Variants in POFUT4 observed in about 807,000 individuals in gnomAD.
The protein encoded by POFUT4 is protein O-fucosyltransferase 4, also known as GDP-fucose protein O-fucosyltransferase 4.
chr10:73,779,091 A>C, the POFUT4 span: 1 of 151,960 alleles, frequency 6.6e-6, no homozygotes, highest in Non-Finnish European at 1.5e-5. Context: ...AAAAAAAAAA[A>C]AAACCTTCAA....
chr10:73,779,757 TAAGC>T, the POFUT4 span: 1 of 152,176 alleles, frequency 6.6e-6, no homozygotes, highest in Non-Finnish European at 1.5e-5. Flanking sequence ...AAGTGATGGT[TAAGC>T]AAGGTGTAGA....
chr10:73,772,746 C>T, the POFUT4 span: 1 of 1,600,612 alleles, frequency 6.2e-7, no homozygotes, highest in African/African-American at 1.3e-5. Flanking sequence ...CCGCGCCTGG[C>T]GCACCAGAGC....
At chr10:73,774,132 A>C in the POFUT4 span, 1 of 278,872 alleles carries the variant, frequency 3.6e-6, no homozygotes, top group Non-Finnish European at 6.7e-6. Context: ...ATAAATAGGG[A>C]CAAGGCTATA....
chr10:73,773,250 A>T, the POFUT4 span: 2 of 1,613,874 alleles, frequency 1.2e-6, no homozygotes. Flanking sequence ...GCTACAGGAC[A>T]CAGCCACGGC....
chr10:73,772,421 A>C, the POFUT4 span: 4 of 1,570,986 alleles, frequency 2.5e-6, no homozygotes, highest in South Asian at 4.7e-5. Flanking sequence ...CGTAGCGGAG[A>C]GGGAGGCCGG....
chr10:73,780,124 T>C, the POFUT4 span: 1 of 152,224 alleles, frequency 6.6e-6, no homozygotes, highest in Non-Finnish European at 1.5e-5. Context: ...TAGAAATGTC[T>C]GATAGGAGTC....
chr10:73,773,393 G>T, the POFUT4 span: 1 of 1,614,244 alleles, frequency 6.2e-7, no homozygotes, highest in African/African-American at 1.3e-5. Flanking sequence ...CTGTGCCCGT[G>T]TACCGCGGTT....
At chr10:73,777,633 G>C in the POFUT4 span, among the ~76,000 whole-genome samples, 1 of 150,838 alleles carries the variant, frequency 6.6e-6, no homozygotes, top group East Asian at 1.9e-4. Context: ...CAGCTTACTA[G>C]AATCTCTGCA....
the POFUT4 span, chr10:73,772,668 T>C: frequency 1.9e-6 from 3 of 1,558,508 alleles, no homozygotes; most frequent in South Asian, 3.5e-5. Flanking sequence ...CGCCGAGCGC[T>C]GAGGGACTCG....
At chr10:73,779,941 C>A in the POFUT4 span, 2 of 152,170 alleles carry the variant, frequency 1.3e-5, no homozygotes, top group African/African-American at 4.8e-5. Flanking sequence ...TACGTACTCA[C>A]AAAAGAGCAG....
At chr10:73,776,736 G>A in the POFUT4 span, among the ~76,000 whole-genome samples, 152,336 of 152,336 alleles carry the variant, frequency 1, 76,168 homozygotes, top group Non-Finnish European at 1. Context: ...CTGGAGTGCA[G>A]TGGCATGATC....
chr10:73,776,972 C>T, the POFUT4 span, among the ~76,000 whole-genome samples: 2 of 152,210 alleles, frequency 1.3e-5, no homozygotes, highest in Non-Finnish European at 2.9e-5. Flanking sequence ...AGCCACCGCA[C>T]CCGGCCTCAA....
At chr10:73,777,540 A>G in the POFUT4 span, among the ~76,000 whole-genome samples, 1 of 148,364 alleles carries the variant, frequency 6.7e-6, no homozygotes, top group African/African-American at 2.5e-5. Context: ...TGTATTACTA[A>G]TACGCTTCCC....
At chr10:73,773,368 C>CCATG in the POFUT4 span, 1 of 1,614,200 alleles carries the variant, frequency 6.2e-7, no homozygotes, top group East Asian at 2.2e-5. Context: ...CTGTGGCGTC[C>CCATG]CATGCACCTG....
the POFUT4 span, chr10:73,775,389 G>T: frequency 1.3e-6 from 2 of 1,597,350 alleles, no homozygotes; most frequent in Non-Finnish European, 1.7e-6. Flanking sequence ...GCTTATATTG[G>T]ATTTACTTCA....
chr10:73,775,404 G>T, the POFUT4 span: 3 of 1,606,296 alleles, frequency 1.9e-6, no homozygotes, highest in East Asian at 6.7e-5. Flanking sequence ...ACTTCACTTT[G>T]TCTTCCTTTC....
the POFUT4 span, chr10:73,776,078 A>G: frequency 5.7e-6 from 1 of 174,060 alleles, no homozygotes; most frequent in Non-Finnish European, 1.2e-5. Context: ...ACTCCTCATT[A>G]TTCAGTACAT....
chr10:73,772,693 GC>G, the POFUT4 span: 1 of 1,571,650 alleles, frequency 6.4e-7, no homozygotes, highest in Non-Finnish European at 8.6e-7. Flanking sequence ...CGCGCGCGCT[GC>G]TCTTCTACGG....
At chr10:73,780,224 T>G in the POFUT4 span, 1 of 152,220 alleles carries the variant, frequency 6.6e-6, no homozygotes, top group East Asian at 1.9e-4. Flanking sequence ...CAGGTTTCGT[T>G]TTGTGTAATA....
Sources: gnomAD v4.1 joint callset for allele counts (sites outside exome capture counted in the v4.1 genomes callset) on GRCh38, gnomAD v4.1.1 for gene constraint, MANE v1.5 for transcripts, NCBI Gene and HGNC (gene_info 2026-07-23, HGNC 2026-07-21) for gene names.